CNTN4: variants seen among roughly 807,000 people sequenced by gnomAD.
The protein encoded by CNTN4 is contactin-4.
CNTN4 carries 77 observed loss-of-function variants against 122.5 expected under a neutral mutation model. The observed-to-expected ratio is 0.63, with a 90% CI of 0.52 to 0.76. The LOEUF (loss-of-function observed/expected upper bound fraction) is 0.76, where lower values mean the gene tolerates loss of function less well. Ranked by LOEUF, CNTN4 falls within the 30% of genes least tolerant of loss-of-function variation. CNTN4 has a pLI of 0.00. For synonymous variants in CNTN4, 512 were observed against 447.0 expected, an observed-to-expected ratio of 1.15 and a Z score of -1.83; for missense variants, 1,256 against 1,259.1, an observed-to-expected ratio of 1.00 and a Z score of 0.04.
At chr3:2,732,239 C>T (rs913355702) in intron 4 of CNTN4, among the ~76,000 whole-genome samples, 11 of 152,122 alleles carry the variant, frequency 7.2e-5, no homozygotes, top group African/African-American at 1.9e-4. Context: ...TAGTAGTTCT[C>T]AAACTTCAGT....
chr3:2,797,453 C>T (rs9868412), intron 6 of CNTN4, among the ~76,000 whole-genome samples: 126 of 152,224 alleles, frequency 8.3e-4, no homozygotes, highest in African/African-American at 3.0e-3. Flanking sequence ...CAAAGATTAG[C>T]CAGGTGTGGT....
chr3:2,823,403 G>A (rs1270634959), intron 7 of CNTN4, among the ~76,000 whole-genome samples: 1 of 152,188 alleles, frequency 6.6e-6, no homozygotes, highest in East Asian at 1.9e-4. Context: ...AATCTGTTTT[G>A]AAAAGCATTT....
At chr3:2,289,580 G>T (rs1040718191) in intron 2 of CNTN4, among the ~76,000 whole-genome samples, 6 of 152,164 alleles carry the variant, frequency 3.9e-5, no homozygotes, top group Admixed American at 1.3e-4. Flanking sequence ...ACAGTTCAGG[G>T]GAGGAAGATT....
chr3:2,900,914 C>T, intron 11 of CNTN4, 93 bp downstream of exon 11: 1 of 1,481,614 alleles, frequency 6.7e-7, no homozygotes, highest in African/African-American at 1.4e-5. Flanking sequence ...TGAATTGTTT[C>T]TAAAATAATA....
At chr3:2,636,277 G>A (rs762940589) in intron 4 of CNTN4, among the ~76,000 whole-genome samples, 52 of 152,116 alleles carry the variant, frequency 3.4e-4, no homozygotes, top group Non-Finnish European at 7.1e-4. Context: ...AAAACTTTAC[G>A]TCATCAGGCA....
At chr3:2,159,702 G>C (rs2035875402) in intron 2 of CNTN4, among the ~76,000 whole-genome samples, 1 of 151,990 alleles carries the variant, frequency 6.6e-6, no homozygotes, top group South Asian at 2.1e-4. Flanking sequence ...ATGATTTATA[G>C]AATATGAGAT....
chr3:2,800,243 T>C (rs902171459), intron 6 of CNTN4, among the ~76,000 whole-genome samples: 2 of 152,178 alleles, frequency 1.3e-5, no homozygotes, highest in African/African-American at 4.8e-5. Flanking sequence ...CCACAGTGCA[T>C]ATTTTTAATG....
At chr3:3,020,291 G>A (rs1234491264) in intron 14 of CNTN4, among the ~76,000 whole-genome samples, 1 of 152,192 alleles carries the variant, frequency 6.6e-6, no homozygotes, top group African/African-American at 2.4e-5. Flanking sequence ...ACTTATAAAA[G>A]TGTAAGATCT....
intron 4 of CNTN4, among the ~76,000 whole-genome samples, chr3:2,668,761 C>T (rs1486510473): frequency 1.3e-5 from 2 of 152,104 alleles, no homozygotes; most frequent in African/African-American, 2.4e-5. Context: ...TTTTGAGATA[C>T]ATCCCATCAA....
intron 2 of CNTN4, among the ~76,000 whole-genome samples, chr3:2,166,273 C>A (rs1490031692): frequency 6.6e-6 from 1 of 152,060 alleles, no homozygotes; most frequent in East Asian, 1.9e-4. Context: ...AATGAAATCT[C>A]ATCTCACACC....
chr3:2,248,986 G>C (rs1321618398), intron 2 of CNTN4, among the ~76,000 whole-genome samples: 10 of 151,906 alleles, frequency 6.6e-5, no homozygotes, highest in Admixed American at 6.6e-4. Flanking sequence ...GAGACTGAGA[G>C]TAGTAGCTGC....
chr3:3,040,139 G>A lies in CNTN4; in HGVS notation c.2266G>A (p.Asp756Asn). The change falls in exon 20 of 25, where the codon GAT becomes AAT. Residue 756 changes from aspartate to asparagine, a missense_variant. By Grantham distance (23) the Asp-to-Asn change is conservative. Transcript: ENST00000418658. The stretch of plus-strand genomic sequence containing the variant: ...GATGCTGACAGTGCTGGCCTCAGCT[G>A]ATGCCTCTAGATACGTGTTCAGGAA... ...IWMLTVLASADASRYVFRNES... is the reference protein window; with the variant it reads ...IWMLTVLASANASRYVFRNES... The A allele has an allele frequency of 6.2e-7, 1 of 1,614,102 alleles. No homozygotes were observed. The highest frequency in any genetic ancestry group is 1.1e-5 in the South Asian group (1 of 91,082).
At chr3:2,969,528 T>TTA (rs1559733398) in intron 13 of CNTN4, among the ~76,000 whole-genome samples, 6 of 132,580 alleles carry the variant, frequency 4.5e-5, no homozygotes, top group African/African-American at 2.4e-4. Context: ...TTATTATTAT[T>TTA]ATTATTATTA....
At chr3:2,297,203 A>G (rs1566674) in intron 2 of CNTN4, among the ~76,000 whole-genome samples, 47,730 of 152,056 alleles carry the variant, frequency 0.31, 7,999 homozygotes, top group East Asian at 0.58. Context: ...GTGGTATCAA[A>G]TAACTTACAT....
At chr3:2,698,440 G>A (rs904252311) in intron 4 of CNTN4, among the ~76,000 whole-genome samples, 21 of 152,110 alleles carry the variant, frequency 1.4e-4, no homozygotes, top group Non-Finnish European at 3.1e-4. Flanking sequence ...GGACCACGCC[G>A]TAATCTAAGG....
In CNTN4 at chr3:2,834,898, C is replaced by CTTTTTTTTTTTTTTTT. The variant is rs71058653; in HGVS notation, c.454+15326_454+15341dup. On this transcript the variant is annotated intron_variant, in intron 7 of 24. Transcript: ENST00000418658. ...AAGCATTAAATTAGATAAAGGCAAC[C>CTTTTTTTTTTTTTTTT]TTTTTTTTTTTTTTTTTTTTTTTTG... Among the ~76,000 whole-genome samples, 65 of 60,458 alleles carry CTTTTTTTTTTTTTTTT rather than the reference C, an allele frequency of 1.1e-3. 12 individuals carry two copies. The highest frequency in any genetic ancestry group is 2.9e-3 in the African/African-American group (38 of 13,266). 39.7% of individuals were successfully genotyped at this position (60,458 alleles called of 152,430 possible). A position where few individuals can be genotyped will look rare whatever the true frequency, so the allele number is the denominator to read the frequency against.
chr3:2,699,762 T>G (rs2086258821), intron 4 of CNTN4, among the ~76,000 whole-genome samples: 3 of 152,222 alleles, frequency 2.0e-5, no homozygotes, highest in Admixed American at 2.0e-4. Context: ...CCTTGGACAC[T>G]GAATCATATT....
chr3:2,153,296 C>T (rs950674445), intron 2 of CNTN4, among the ~76,000 whole-genome samples: 1 of 152,152 alleles, frequency 6.6e-6, no homozygotes, highest in Non-Finnish European at 1.5e-5. Flanking sequence ...TACATCATTA[C>T]AATGTCTGGA....
chr3:2,672,602 G>C (rs1370882617), intron 4 of CNTN4, among the ~76,000 whole-genome samples: 2 of 152,130 alleles, frequency 1.3e-5, no homozygotes, highest in East Asian at 3.9e-4. Flanking sequence ...CTCACACTTG[G>C]TGCGCTGCAC....
Sources: gnomAD v4.1 joint callset for allele counts (sites outside exome capture counted in the v4.1 genomes callset) on GRCh38, gnomAD v4.1.1 for gene constraint, MANE v1.5 for transcripts, NCBI Gene and HGNC (gene_info 2026-07-23, HGNC 2026-07-21) for gene names.